SMG6: variants seen among roughly 807,000 people sequenced by gnomAD.
SMG6 encodes the protein SMG6 nonsense mediated mRNA decay factor, also known as telomerase-binding protein EST1A.
SMG6 carries 66 observed loss-of-function variants against 142.2 expected under a neutral mutation model. The ratio of observed to expected loss-of-function variants is 0.46; its 90% CI spans 0.38 to 0.57. The LOEUF (loss-of-function observed/expected upper bound fraction) is 0.57, where lower values mean the gene tolerates loss of function less well. Among genes scored for constraint, SMG6 ranks in the 20% least tolerant of loss-of-function variants. SMG6 has a pLI of 0.00. For missense variants in SMG6, 1,793 were observed against 1,832.0 expected, an observed-to-expected ratio of 0.98 and a Z score of 0.39; for synonymous variants, 779 against 702.4, an observed-to-expected ratio of 1.11 and a Z score of -1.72.
chr17:2,255,135 T>G (rs1372352800), intron 8 of SMG6, among the ~76,000 whole-genome samples: 1 of 151,688 alleles, frequency 6.6e-6, no homozygotes, highest in East Asian at 1.9e-4. Context: ...CCGGGCGCGG[T>G]GGCTCACACC....
At chr17:2,231,912 G>A (rs2073507635) in intron 10 of SMG6, among the ~76,000 whole-genome samples, 2 of 152,128 alleles carry the variant, frequency 1.3e-5, no homozygotes, top group African/African-American at 4.8e-5. Flanking sequence ...GGAAAACAGA[G>A]GGAGCCAGGG....
chr17:2,288,505 C>T (rs886527472), intron 6 of SMG6, among the ~76,000 whole-genome samples: 2 of 151,326 alleles, frequency 1.3e-5, no homozygotes, highest in African/African-American at 4.9e-5. Context: ...GCCTGTGGTC[C>T]CAGCTACTTG....
In SMG6 at chr17:2,104,597, T is replaced by TA. The variant is rs530229257; in HGVS notation, c.3358-18697dup. Among the ~76,000 whole-genome samples, 318 of 151,982 alleles carry TA rather than the reference T, an allele frequency of 2.1e-3. 2 individuals carry two copies. The highest frequency in any genetic ancestry group is 5.5e-3 in the African/African-American group (229 of 41,408). On this transcript the variant is annotated intron_variant, in intron 13 of 18. Coordinates refer to ENST00000263073, the MANE Select transcript of SMG6 (RefSeq NM_017575.5). ...TGGCAGGTAGAGCAAGTTAGCATCT[T>TA]ACTTCCTCTGCAATTTTCATTGATC...
intron 15 of SMG6, among the ~76,000 whole-genome samples, chr17:2,076,609 C>T (rs758503559): frequency 5.9e-5 from 9 of 152,076 alleles, no homozygotes; most frequent in South Asian, 2.1e-4. Flanking sequence ...CCAGGGTTCA[C>T]GCATATGGCC....
At chr17:2,173,340 T>C (rs1426295091) in intron 12 of SMG6, among the ~76,000 whole-genome samples, 3 of 152,078 alleles carry the variant, frequency 2.0e-5, no homozygotes, top group Non-Finnish European at 4.4e-5. Flanking sequence ...GTCATGCATG[T>C]TTTCCTCCTA....
intron 13 of SMG6, among the ~76,000 whole-genome samples, chr17:2,168,707 T>C (rs972122167): frequency 6.6e-6 from 1 of 151,806 alleles, no homozygotes; most frequent in Non-Finnish European, 1.5e-5. Context: ...TGAGACCCCG[T>C]CTCTATTAAA....
At chr17:2,161,529 C>T (rs1411396714) in intron 13 of SMG6, among the ~76,000 whole-genome samples, 1 of 151,710 alleles carries the variant, frequency 6.6e-6, no homozygotes, top group Non-Finnish European at 1.5e-5. Flanking sequence ...TCATTAATTA[C>T]TGTTCATCTA....
intron 10 of SMG6, among the ~76,000 whole-genome samples, chr17:2,205,076 G>T (rs570957562): frequency 2.7e-5 from 4 of 150,650 alleles, no homozygotes; most frequent in African/African-American, 7.3e-5. Flanking sequence ...CTAGTTTTTG[G>T]TTTTTTTTCT....
At chr17:2,298,810 G>C in intron 2 of SMG6, 96 bp downstream of exon 2, 1 of 1,128,198 alleles carries the variant, frequency 8.9e-7, no homozygotes, top group Non-Finnish European at 1.3e-6. Flanking sequence ...ATACCCAGTG[G>C]CTCAGCTAAA....
rs770368314 is a variant in SMG6 at position 2,302,745 on chromosome 17, G to A, written c.88+888C>T. 1.2e-4 allele frequency among the ~76,000 whole-genome samples: 18 copies of A among 151,246 alleles called. No homozygotes were observed. In the East Asian group the frequency reaches 2.1e-3, roughly 18 times the overall value. ...TAAGTTTAAAAGGTAGGTTCATGAA[G>A]TATCCACAAAGATAAAGCAGTTTAA... On this transcript the variant is annotated intron_variant, in intron 1 of 18. Coordinates refer to ENST00000263073, the MANE Select transcript of SMG6 (RefSeq NM_017575.5).
chr17:2,186,533 C>T, intron 12 of SMG6, 130 bp downstream of exon 12: 2 of 1,103,402 alleles, frequency 1.8e-6, no homozygotes, highest in East Asian at 2.6e-5. Flanking sequence ...AAAAAAAGTT[C>T]AAATAAAGAA....
At chr17:2,291,844 GCC>G (rs2075044179) in intron 6 of SMG6, among the ~76,000 whole-genome samples, 1 of 105,976 alleles carries the variant, frequency 9.4e-6, no homozygotes, top group Non-Finnish European at 1.8e-5. Flanking sequence ...GCAAGACCCT[GCC>G]TCTCTTAAAA....
chr17:2,124,777 T>C (rs1481744306), intron 13 of SMG6, among the ~76,000 whole-genome samples: 1 of 152,216 alleles, frequency 6.6e-6, no homozygotes, highest in African/African-American at 2.4e-5. Context: ...GAATGGACAC[T>C]GAAAGGGGGT....
chr17:2,075,997 G>A (rs1316313642), intron 15 of SMG6, among the ~76,000 whole-genome samples: 1 of 149,178 alleles, frequency 6.7e-6, no homozygotes, highest in Non-Finnish European at 1.5e-5. Flanking sequence ...AGGGAGACCA[G>A]GCCTCACCTC....
At chr17:2,095,568 G>A (rs1250802167) in intron 13 of SMG6, among the ~76,000 whole-genome samples, 2 of 152,098 alleles carry the variant, frequency 1.3e-5, no homozygotes. Flanking sequence ...TTCACTTGGG[G>A]GGTTGGGTGG....
chr17:2,216,291 T>G (rs2073017683), intron 10 of SMG6, among the ~76,000 whole-genome samples: 1 of 152,102 alleles, frequency 6.6e-6, no homozygotes, highest in African/African-American at 2.4e-5. Context: ...ATAGGAATTT[T>G]TTTTACAGAT....
chr17:2,278,305 C>T (rs567479668), intron 8 of SMG6, among the ~76,000 whole-genome samples: 4 of 151,614 alleles, frequency 2.6e-5, no homozygotes, highest in African/African-American at 7.3e-5. Flanking sequence ...CGGGTTCAAG[C>T]GATTCTCTTG....
chr17:2,236,357 A>AAGGGT (rs2073651153), intron 10 of SMG6, 135 bp downstream of exon 10: 3 of 723,412 alleles, frequency 4.1e-6, no homozygotes, highest in Admixed American at 6.0e-5. Flanking sequence ...CAATGGTAGG[A>AAGGGT]AGCGTAGGGT....
chr17:2,238,621 G>T (rs567981219), intron 9 of SMG6, among the ~76,000 whole-genome samples: 7 of 152,312 alleles, frequency 4.6e-5, no homozygotes, highest in East Asian at 3.9e-4. Context: ...ATGTGTCTCC[G>T]TGTTGAAAGG....
Sources: allele counts gnomAD v4.1 joint callset (sites outside exome capture counted in the v4.1 genomes callset), GRCh38; gene constraint gnomAD v4.1.1; transcripts MANE v1.5; gene names NCBI Gene and HGNC (gene_info 2026-07-23, HGNC 2026-07-21).